The following ENTREP2 variants were observed in gnomAD, a reference collection of about 807,000 sequenced individuals.
ENTREP2 encodes the protein endosomal transmembrane epsin interactor 2.
At chr15:29,600,481 ATCG>A in the ENTREP2 span, among the ~76,000 whole-genome samples, 1 of 151,826 alleles carries the variant, frequency 6.6e-6, no homozygotes, top group Middle Eastern at 3.5e-3. Context: ...AATCATCATC[ATCG>A]TCATCTCATC....
chr15:29,492,949 A>C, the ENTREP2 span, among the ~76,000 whole-genome samples: 1 of 151,266 alleles, frequency 6.6e-6, no homozygotes, highest in Non-Finnish European at 1.5e-5. Context: ...GGTTGCAGTG[A>C]GCTGAGATCA....
the ENTREP2 span, among the ~76,000 whole-genome samples, chr15:29,202,888 A>G: frequency 1.3e-5 from 2 of 152,136 alleles, no homozygotes; most frequent in African/African-American, 4.8e-5. Context: ...TCTATCATTG[A>G]TGGGCATTTG....
the ENTREP2 span, among the ~76,000 whole-genome samples, chr15:29,628,396 C>A: frequency 6.6e-6 from 1 of 152,124 alleles, no homozygotes; most frequent in African/African-American, 2.4e-5. Flanking sequence ...TGTGATCTTA[C>A]TCTCTTTACA....
the ENTREP2 span, among the ~76,000 whole-genome samples, chr15:29,298,108 A>T: frequency 6.6e-6 from 1 of 152,182 alleles, no homozygotes; most frequent in Non-Finnish European, 1.5e-5. Context: ...ATATAACAAA[A>T]AGATACTAGA....
chr15:29,456,881 A>C, the ENTREP2 span, among the ~76,000 whole-genome samples: 3 of 152,208 alleles, frequency 2.0e-5, no homozygotes. Context: ...TAGCGTAAAA[A>C]GTCTATAAAC....
At chr15:29,654,295 C>A in the ENTREP2 span, among the ~76,000 whole-genome samples, 4 of 152,112 alleles carry the variant, frequency 2.6e-5, no homozygotes, top group Non-Finnish European at 5.9e-5. Flanking sequence ...AGACCCAAAT[C>A]AAAACTGGAA....
chr15:29,396,296 C>G, the ENTREP2 span, among the ~76,000 whole-genome samples: 1 of 151,632 alleles, frequency 6.6e-6, no homozygotes, highest in South Asian at 2.1e-4. Flanking sequence ...AACTACGCTT[C>G]TCCTCTCTGT....
the ENTREP2 span, among the ~76,000 whole-genome samples, chr15:29,254,160 G>GAAAA: frequency 1.3e-3 from 6 of 4,518 alleles, no homozygotes; most frequent in South Asian, 8.2e-3. Context: ...TTGTTAAAGA[G>GAAAA]CAAAAAAAAA....
the ENTREP2 span, among the ~76,000 whole-genome samples, chr15:29,489,818 C>T: frequency 2.6e-5 from 4 of 152,148 alleles, no homozygotes; most frequent in African/African-American, 9.7e-5. Flanking sequence ...AGCTACACAA[C>T]CACAGGCCAT....
chr15:29,226,534 T>C, the ENTREP2 span, among the ~76,000 whole-genome samples: 12 of 152,202 alleles, frequency 7.9e-5, no homozygotes, highest in Admixed American at 1.3e-4. Context: ...GCTGTGCCTT[T>C]GGGCAACAAT....
chr15:29,609,859 C>T, the ENTREP2 span: 1 of 150,280 alleles, frequency 6.7e-6, no homozygotes, highest in Non-Finnish European at 1.5e-5. Flanking sequence ...AAAATATTTG[C>T]TAATTTGAGT....
the ENTREP2 span, among the ~76,000 whole-genome samples, chr15:29,657,361 T>TA: frequency 1.3e-5 from 2 of 150,240 alleles, no homozygotes; most frequent in Non-Finnish European, 2.9e-5. Flanking sequence ...ACGGCAGTGT[T>TA]ACAGTTCTTA....
chr15:29,175,927 C>T, the ENTREP2 span, among the ~76,000 whole-genome samples: 2 of 152,210 alleles, frequency 1.3e-5, no homozygotes, highest in South Asian at 2.1e-4. Context: ...CATTGCTCTA[C>T]TTTCTGGGTC....
chr15:29,537,187 C>G, the ENTREP2 span, among the ~76,000 whole-genome samples: 3 of 152,192 alleles, frequency 2.0e-5, no homozygotes, highest in African/African-American at 7.2e-5. Context: ...GAAGGCAACT[C>G]GATCAACTGG....
the ENTREP2 span, among the ~76,000 whole-genome samples, chr15:29,476,182 C>G: frequency 6.6e-6 from 1 of 152,184 alleles, no homozygotes; most frequent in African/African-American, 2.4e-5. Flanking sequence ...TTCTATCCCC[C>G]CAAATAACAA....
chr15:29,594,547 A>T, the ENTREP2 span, among the ~76,000 whole-genome samples: 1 of 152,202 alleles, frequency 6.6e-6, no homozygotes, highest in African/African-American at 2.4e-5. Context: ...TCATGATTAA[A>T]TCCTCAGCAA....
chr15:29,226,376 TGAA>T, the ENTREP2 span, among the ~76,000 whole-genome samples: 2 of 152,298 alleles, frequency 1.3e-5, no homozygotes, highest in East Asian at 3.9e-4. Flanking sequence ...CAAATTCACA[TGAA>T]GAAGAATGAA....
chr15:29,298,411 A>C, the ENTREP2 span, among the ~76,000 whole-genome samples: 2 of 152,184 alleles, frequency 1.3e-5, no homozygotes. Flanking sequence ...AAATTTCAAA[A>C]TACAATAAAA....
chr15:29,492,802 G>A, the ENTREP2 span, among the ~76,000 whole-genome samples: 3 of 151,944 alleles, frequency 2.0e-5, no homozygotes, highest in African/African-American at 4.8e-5. Flanking sequence ...TCAGGAGTTC[G>A]AGACCAGCCT....
Sources: gnomAD v4.1 joint callset for allele counts (sites outside exome capture counted in the v4.1 genomes callset) on GRCh38, gnomAD v4.1.1 for gene constraint, MANE v1.5 for transcripts, NCBI Gene and HGNC (gene_info 2026-07-23, HGNC 2026-07-21) for gene names.